CD226: variants seen among roughly 807,000 people sequenced by gnomAD.
The protein encoded by CD226 is CD226 antigen.
Under a neutral mutation model 34.9 loss-of-function variants are expected in CD226, and 24 were observed. That is an observed-to-expected ratio of 0.69 (90% CI 0.50 to 0.97). The LOEUF (loss-of-function observed/expected upper bound fraction) is 0.97, where lower values mean the gene tolerates loss of function less well. Ranked by LOEUF, CD226 falls within the 50% of genes least tolerant of loss-of-function variation. The pLI, the probability that CD226 is intolerant of heterozygous loss-of-function variation, is 0.00. For missense variants in CD226, 397 were observed against 412.7 expected (o/e 0.96, Z 0.33); for synonymous variants, 148 against 147.4 (o/e 1.00, Z -0.03).
chr18:69,901,862 G>A (rs1260311794), intron 2 of CD226, among the ~76,000 whole-genome samples: 1 of 149,148 alleles, frequency 6.7e-6, no homozygotes, highest in Non-Finnish European at 1.5e-5. Flanking sequence ...CTGGGCGACA[G>A]AGCAAGACTC....
In CD226 at chr18:69,859,890, T is replaced by C. The variant is rs2145161932; in HGVS notation, c.*4424A>G. On this transcript the variant is annotated 3_prime_UTR_variant, in exon 6 of 6. Coordinates refer to ENST00000582621, the MANE Select transcript of CD226 (RefSeq NM_001303618.2). ...GAGTTCAAGACAAGTCTGACCAACGTGGAGAAACCCCGTCTCCACTAAAAA... is the reference window on the plus strand; with the variant it reads ...GAGTTCAAGACAAGTCTGACCAACGCGGAGAAACCCCGTCTCCACTAAAAA... 3 of 152,224 alleles carry C rather than the reference T, an allele frequency of 2.0e-5. No homozygotes were observed. The highest frequency in any genetic ancestry group is 4.2e-4 in the South Asian group (2 of 4,814). The allele number at this position is 152,224 out of a possible 1,614,324, so 9.4% of individuals were successfully genotyped here.
intron 2 of CD226, among the ~76,000 whole-genome samples, chr18:69,901,497 C>T (rs370745774): frequency 5.9e-5 from 9 of 152,006 alleles, no homozygotes; most frequent in Admixed American, 2.6e-4. Context: ...TGATAGTCGG[C>T]GAAGCTATAT....
intron 2 of CD226, among the ~76,000 whole-genome samples, chr18:69,935,830 T>C (rs1180821147): frequency 6.6e-6 from 1 of 152,194 alleles, no homozygotes; most frequent in Non-Finnish European, 1.5e-5. Context: ...TACAATCATC[T>C]TGAAAATATA....
intron 3 of CD226, among the ~76,000 whole-genome samples, chr18:69,894,972 T>C (rs1985181943): frequency 6.6e-6 from 1 of 152,032 alleles, no homozygotes; most frequent in South Asian, 2.1e-4. Context: ...GTGTGGTGCC[T>C]TGGAGGAGGC....
intron 1 of CD226, among the ~76,000 whole-genome samples, chr18:69,953,786 G>C (rs2055873647): frequency 6.6e-6 from 1 of 152,086 alleles, no homozygotes; most frequent in Non-Finnish European, 1.5e-5. Context: ...GATTGCTTGA[G>C]GTCAGGAATT....
chr18:69,910,226 G>A (rs77847166), intron 2 of CD226, among the ~76,000 whole-genome samples: 6,433 of 152,260 alleles, frequency 0.042, 482 homozygotes, highest in African/African-American at 0.15. Flanking sequence ...GGAGACTTGC[G>A]TCCAAAGACT....
intron 2 of CD226, among the ~76,000 whole-genome samples, chr18:69,946,487 G>A (rs1177559891): frequency 6.6e-6 from 1 of 152,026 alleles, no homozygotes; most frequent in Non-Finnish European, 1.5e-5. Flanking sequence ...CAAAAAACCT[G>A]TGCTTTCTTC....
intron 2 of CD226, among the ~76,000 whole-genome samples, chr18:69,902,990 G>A (rs2055206777): frequency 6.6e-6 from 1 of 152,116 alleles, no homozygotes; most frequent in East Asian, 1.9e-4. Context: ...GACTAAGGAG[G>A]TCTCCTAAAG....
chr18:69,934,308 ACACG>A (rs1420802482), intron 2 of CD226, among the ~76,000 whole-genome samples: 142 of 151,000 alleles, frequency 9.4e-4, no homozygotes, highest in African/African-American at 3.2e-3. Flanking sequence ...ACACACACAC[ACACG>A]CACGCACACC....
chr18:69,928,536 G>A (rs2055551478), intron 2 of CD226, among the ~76,000 whole-genome samples: 1 of 152,186 alleles, frequency 6.6e-6, no homozygotes, highest in Non-Finnish European at 1.5e-5. Flanking sequence ...TGTTTTAGGG[G>A]TGGGACAATG....
chr18:69,899,246 G>A (rs12456261), intron 2 of CD226, among the ~76,000 whole-genome samples: 1,797 of 152,188 alleles, frequency 0.012, 38 homozygotes, highest in Admixed American at 0.058. Flanking sequence ...GCCCACTAGC[G>A]CCTCCCTGGC....
intron 4 of CD226, among the ~76,000 whole-genome samples, chr18:69,871,193 C>T (rs1323989670): frequency 6.6e-6 from 1 of 152,182 alleles, no homozygotes; most frequent in Non-Finnish European, 1.5e-5. Flanking sequence ...TTCCCATGTG[C>T]TCCCTCTGCC....
intron 3 of CD226, among the ~76,000 whole-genome samples, chr18:69,885,988 C>T (rs1984536821): frequency 6.6e-6 from 1 of 152,182 alleles, no homozygotes; most frequent in African/African-American, 2.4e-5. Flanking sequence ...AAACCTATCA[C>T]TTGTATAAAC....
intron 2 of CD226, among the ~76,000 whole-genome samples, chr18:69,906,678 C>A (rs548496415): frequency 6.6e-6 from 1 of 152,278 alleles, no homozygotes; most frequent in South Asian, 2.1e-4. Flanking sequence ...TGGAGGACTT[C>A]GAGTTTCAGA....
At chr18:69,923,826 C>T (rs1381243424) in intron 2 of CD226, among the ~76,000 whole-genome samples, 1 of 151,156 alleles carries the variant, frequency 6.6e-6, no homozygotes, top group Non-Finnish European at 1.5e-5. Flanking sequence ...TAGTGGCGGG[C>T]GCCTGTAGTC....
chr18:69,877,052 C>T (rs1045213379), intron 3 of CD226, among the ~76,000 whole-genome samples: 4 of 151,792 alleles, frequency 2.6e-5, no homozygotes, highest in Non-Finnish European at 4.4e-5. Flanking sequence ...TTAGTAGAGA[C>T]GGGGTTTCAC....
At chr18:69,923,187 A>G (rs936468594) in intron 2 of CD226, among the ~76,000 whole-genome samples, 2 of 150,644 alleles carry the variant, frequency 1.3e-5, no homozygotes, top group African/African-American at 2.5e-5. Flanking sequence ...AGAAAGAAAG[A>G]AAGGAAGGAA....
chr18:69,858,534 T>C lies in CD226; in HGVS notation c.*5780A>G, dbSNP rs1599362185. The C allele has an allele frequency of 1.3e-5, 2 of 152,176 alleles. No homozygotes were observed. Among genetic ancestry groups the C allele is most frequent in the South Asian group, 4.2e-4 (2 of 4,808 alleles). The allele number at this position is 152,176 out of a possible 1,614,324, so 9.4% of individuals were successfully genotyped here. ...GACTCATCCGAACGTGGGGTACTGA[T>C]GCTGCTCAGATTCACTGCCCTGTGT... On this transcript the variant is annotated 3_prime_UTR_variant, in exon 6 of 6. Coordinates refer to ENST00000582621, the MANE Select transcript of CD226 (RefSeq NM_001303618.2).
chr18:69,865,380 A>T (rs79341917), intron 5 of CD226, among the ~76,000 whole-genome samples: 7 of 152,222 alleles, frequency 4.6e-5, no homozygotes, highest in Non-Finnish European at 1.0e-4. Flanking sequence ...AGAATGAAGT[A>T]GTTCTAATGT....
Sources: allele counts gnomAD v4.1 joint callset (sites outside exome capture counted in the v4.1 genomes callset), GRCh38; gene constraint gnomAD v4.1.1; transcripts MANE v1.5; gene names NCBI Gene and HGNC (gene_info 2026-07-23, HGNC 2026-07-21).